The following TBC1D22B variants were observed in gnomAD, a reference collection of about 807,000 sequenced individuals.
TBC1D22B encodes chromosome 6 open reading frame 197.
In TBC1D22B, 32 loss-of-function variants were observed where a neutral mutation model predicts 69.1. The observed-to-expected ratio is 0.46, with a 90% CI of 0.35 to 0.62. The LOEUF (loss-of-function observed/expected upper bound fraction) is 0.62. Among genes scored for constraint, TBC1D22B ranks in the 20% least tolerant of loss-of-function variants. The probability of loss-of-function intolerance (pLI) is 0.00; values close to 1 mark genes in which losing one functional copy is unlikely to be tolerated. For missense variants in TBC1D22B, 462 were observed against 630.9 expected (o/e 0.73, Z 2.87); for synonymous variants, 206 against 229.8 (o/e 0.90, Z 0.94).
intron 1 of TBC1D22B, among the ~76,000 whole-genome samples, chr6:37,265,879 A>G (rs911600802): frequency 6.6e-6 from 1 of 152,204 alleles, no homozygotes; most frequent in African/African-American, 2.4e-5. Flanking sequence ...TTTATTTAAG[A>G]GCATCCTTTA....
chr6:37,280,456 A>G (rs1453235601), intron 3 of TBC1D22B, among the ~76,000 whole-genome samples: 1 of 152,242 alleles, frequency 6.6e-6, no homozygotes, highest in African/African-American at 2.4e-5. Flanking sequence ...AGGTCTTTGC[A>G]ATCATTGCAC....
rs1317595047 is a variant in TBC1D22B, at chr6:37,331,687, A to T, written c.*515A>T. ...TAGCTTTTTAAAACCATTATTCTAGATGGAGGAGGCACTGATGCTTGTAAC... is the reference window on the plus strand; with the variant it reads ...TAGCTTTTTAAAACCATTATTCTAGTTGGAGGAGGCACTGATGCTTGTAAC... On this transcript the variant is annotated 3_prime_UTR_variant, in exon 13 of 13. Coordinates refer to ENST00000373491, the MANE Select transcript of TBC1D22B (RefSeq NM_017772.4). 1 of 153,128 alleles carries T rather than the reference A, an allele frequency of 6.5e-6. No homozygotes were observed. Among genetic ancestry groups the T allele is most frequent in the Non-Finnish European group, 1.5e-5 (1 of 68,494 alleles). The allele number at this position is 153,128 out of a possible 1,614,324, so 9.5% of individuals were successfully genotyped here.
chr6:37,260,223 C>T (rs567965274), intron 1 of TBC1D22B, among the ~76,000 whole-genome samples: 35 of 152,256 alleles, frequency 2.3e-4, no homozygotes, highest in Non-Finnish European at 3.1e-4. Flanking sequence ...TGTACTCTTT[C>T]GGTCTTAGAG....
chr6:37,331,021 A>G (rs535980294), intron 12 of TBC1D22B, 23 bp from the exon 13 acceptor site: 8 of 1,613,556 alleles, frequency 5.0e-6, no homozygotes, highest in African/African-American at 4.0e-5. Context: ...GGTATGATAT[A>G]AAAGTCCTTT....
At chr6:37,320,223 A>G (rs1768200443) in intron 12 of TBC1D22B, among the ~76,000 whole-genome samples, 1 of 152,208 alleles carries the variant, frequency 6.6e-6, no homozygotes, top group Admixed American at 6.5e-5. Flanking sequence ...GGGACTGTGC[A>G]GAGTAGTACA....
At chr6:37,292,020 C>T (rs6919900) in intron 8 of TBC1D22B, among the ~76,000 whole-genome samples, 4,852 of 152,248 alleles carry the variant, frequency 0.032, 243 homozygotes, top group African/African-American at 0.11. Flanking sequence ...TCCTTAATCA[C>T]TTGTGCTGAG....
chr6:37,269,852 T>G (rs1452773429), intron 2 of TBC1D22B, among the ~76,000 whole-genome samples: 1 of 152,212 alleles, frequency 6.6e-6, no homozygotes, highest in African/African-American at 2.4e-5. Flanking sequence ...TTTTGTGTTT[T>G]CCTATATTGG....
At chr6:37,265,396 C>G (rs1385870456) in intron 1 of TBC1D22B, among the ~76,000 whole-genome samples, 1 of 152,196 alleles carries the variant, frequency 6.6e-6, no homozygotes, top group Non-Finnish European at 1.5e-5. Context: ...CCTTACCTAA[C>G]CGGCCTGTTG....
chr6:37,296,017 C>T (rs952058326), intron 8 of TBC1D22B, among the ~76,000 whole-genome samples: 1 of 152,226 alleles, frequency 6.6e-6, no homozygotes, highest in South Asian at 2.1e-4. Context: ...CAGCCATCAA[C>T]ATTGAGGCAA....
intron 8 of TBC1D22B, among the ~76,000 whole-genome samples, chr6:37,300,697 C>T (rs1767540032): frequency 6.6e-6 from 1 of 151,976 alleles, no homozygotes; most frequent in Non-Finnish European, 1.5e-5. Flanking sequence ...AAAAAAATTC[C>T]CCCCACCCAG....
intron 2 of TBC1D22B, 114 bp from the exon 3 acceptor site, chr6:37,279,190 G>C: frequency 9.4e-7 from 1 of 1,064,636 alleles, no homozygotes; most frequent in African/African-American, 1.6e-5. Flanking sequence ...GTTTGAAGAA[G>C]CTAATGATTA....
At position 37,313,803 on chromosome 6, in the gene TBC1D22B, G is replaced by A; in HGVS notation, c.1090-13G>A. On this transcript the variant is annotated splice_polypyrimidine_tract_variant and intron_variant, in intron 9 of 12. Transcript: ENST00000373491. ...AGAGTCCATGTTCATCCTGGGCTCT[G>A]TGTCATTTGCAGGATAACTACACCT... 1 of 1,613,726 alleles carries A rather than the reference G, an allele frequency of 6.2e-7. No individual in the cohort carries two copies. The highest frequency in any genetic ancestry group is 2.2e-5 in the East Asian group (1 of 44,886).
chr6:37,329,478 A>G (rs1322860676), intron 12 of TBC1D22B, among the ~76,000 whole-genome samples: 1 of 152,226 alleles, frequency 6.6e-6, no homozygotes, highest in Non-Finnish European at 1.5e-5. Context: ...CAGTAGTGTG[A>G]CTATTTCCCT....
chr6:37,287,697 T>C (rs1485504128), intron 7 of TBC1D22B, among the ~76,000 whole-genome samples: 1 of 152,244 alleles, frequency 6.6e-6, no homozygotes, highest in East Asian at 1.9e-4. Flanking sequence ...TGTTGTTGCA[T>C]GTGTGAATTT....
Position 37,332,959 on chromosome 6 carries a change from T to G in TBC1D22B, c.*1787T>G, listed in dbSNP as rs1342458747. The G allele has an allele frequency of 6.6e-6, 1 of 152,240 alleles. No individual in the cohort carries two copies. The highest frequency in any genetic ancestry group is 1.5e-5 in the Non-Finnish European group (1 of 68,050). The allele number at this position is 152,240 out of a possible 1,614,324, so 9.4% of individuals were successfully genotyped here. Reference sequence around the variant, plus strand: ...AAAAGAATTGTAAATAAATGGTGTATTTCCTCCTCCATCTGCTGGTTTTTC... The same window carrying G: ...AAAAGAATTGTAAATAAATGGTGTAGTTCCTCCTCCATCTGCTGGTTTTTC... On this transcript the variant is annotated 3_prime_UTR_variant, in exon 13 of 13. Coordinates refer to ENST00000373491, the MANE Select transcript of TBC1D22B (RefSeq NM_017772.4).
At chr6:37,265,320 G>T (rs985874965) in intron 1 of TBC1D22B, among the ~76,000 whole-genome samples, 11 of 152,162 alleles carry the variant, frequency 7.2e-5, no homozygotes, top group African/African-American at 2.7e-4. Flanking sequence ...CTTTTCTTCT[G>T]CATGGGTTAC....
At chr6:37,306,411 C>A (rs1010420749) in intron 8 of TBC1D22B, among the ~76,000 whole-genome samples, 4 of 152,224 alleles carry the variant, frequency 2.6e-5, no homozygotes, top group African/African-American at 9.7e-5. Context: ...CTCCCAGAGC[C>A]TGTTCACATC....
chr6:37,313,799 C>T lies in TBC1D22B; in HGVS notation c.1090-17C>T, dbSNP rs1342149353. The T allele has an allele frequency of 6.2e-7, 1 of 1,613,054 alleles. No individual in the cohort carries two copies. The highest frequency in any genetic ancestry group is 8.5e-7 in the Non-Finnish European group (1 of 1,178,976). On this transcript the variant is annotated splice_polypyrimidine_tract_variant and intron_variant, in intron 9 of 12. Coordinates refer to ENST00000373491, the MANE Select transcript of TBC1D22B (RefSeq NM_017772.4). ...AGTTAGAGTCCATGTTCATCCTGGG[C>T]TCTGTGTCATTTGCAGGATAACTAC...
rs1021380826 is a variant in TBC1D22B at position 37,332,333 on chromosome 6, G to A, written c.*1161G>A. 5.2e-5 allele frequency: 8 copies of A among 152,618 alleles called. No homozygotes were observed. Among genetic ancestry groups the A allele is most frequent in the African/African-American group, 1.9e-4 (8 of 41,428 alleles). 9.5% of individuals were successfully genotyped at this position (152,618 alleles called of 1,614,324 possible). A position where few individuals can be genotyped will look rare whatever the true frequency, so the allele number is the denominator to read the frequency against. Reference sequence around the variant, plus strand: ...GCTCCTAGCAGCCTCCCCAGGAAGGGACTGCAGAGGCGGGCAAGCCCTCTC... The same window carrying A: ...GCTCCTAGCAGCCTCCCCAGGAAGGAACTGCAGAGGCGGGCAAGCCCTCTC... On this transcript the variant is annotated 3_prime_UTR_variant, in exon 13 of 13. Coordinates refer to ENST00000373491, the MANE Select transcript of TBC1D22B (RefSeq NM_017772.4).
Sources: gnomAD v4.1 joint callset for allele counts (sites outside exome capture counted in the v4.1 genomes callset) on GRCh38, gnomAD v4.1.1 for gene constraint, MANE v1.5 for transcripts, NCBI Gene and HGNC (gene_info 2026-07-23, HGNC 2026-07-21) for gene names.